CNTN5: variants seen among roughly 807,000 people sequenced by gnomAD.
CNTN5 encodes the protein contactin 5.
A neutral mutation model predicts 129.1 loss-of-function variants in CNTN5; 77 were observed. The observed-to-expected ratio is 0.60, with a 90% CI of 0.50 to 0.72. The LOEUF is 0.72. CNTN5 is among the 30% of genes least tolerant of loss of function. CNTN5 has a pLI of 0.00. For synonymous variants in CNTN5, 509 were observed against 465.6 expected (o/e 1.09, Z -1.20); for missense variants, 1,478 against 1,328.8 (o/e 1.11, Z -1.75).
chr11:100,326,613 C>A (rs1951791947), intron 21 of CNTN5, among the ~76,000 whole-genome samples: 3 of 152,152 alleles, frequency 2.0e-5, no homozygotes, highest in African/African-American at 7.2e-5. Context: ...TCCAATCTGC[C>A]CTTTATATTT....
At chr11:100,224,890 T>C in intron 16 of CNTN5, 78 bp downstream of exon 16, 1 of 1,452,352 alleles carries the variant, frequency 6.9e-7, no homozygotes, top group Non-Finnish European at 9.6e-7. Flanking sequence ...GCATGGACTT[T>C]GAGCACATCA....
intron 3 of CNTN5, among the ~76,000 whole-genome samples, chr11:99,753,350 C>G (rs375217268): frequency 6.6e-6 from 1 of 151,546 alleles, no homozygotes; most frequent in African/African-American, 2.4e-5. Flanking sequence ...TCTCGATCTC[C>G]TGACCTCGTG....
chr11:100,258,903 C>A (rs1216435106), intron 17 of CNTN5, among the ~76,000 whole-genome samples: 2 of 152,240 alleles, frequency 1.3e-5, no homozygotes, highest in East Asian at 1.9e-4. Flanking sequence ...GGCAAAATAA[C>A]CAGCTAGCAT....
At chr11:99,173,546 G>T (rs562513235) in intron 1 of CNTN5, among the ~76,000 whole-genome samples, 49 of 152,262 alleles carry the variant, frequency 3.2e-4, no homozygotes, top group Non-Finnish European at 6.5e-4. Flanking sequence ...TGGTTATAAG[G>T]CAGGTTTCTG....
chr11:99,079,274 C>A lies in CNTN5; in HGVS notation c.-210+58004C>A, dbSNP rs759460182. ...TCATCCTGACAACAGAAAATTAAATCTCTAATAAAGAGGAAATACTGTATT... is the reference window on the plus strand; with the variant it reads ...TCATCCTGACAACAGAAAATTAAATATCTAATAAAGAGGAAATACTGTATT... On this transcript the variant is annotated intron_variant, in intron 1 of 24. Transcript: ENST00000524871. Among the ~76,000 whole-genome samples the A allele has an allele frequency of 3.3e-5, 5 of 152,170 alleles. No homozygotes were observed. The East Asian group carries it at 9.7e-4, about 29-fold the overall frequency.
chr11:99,869,544 C>A (rs1463018716), intron 6 of CNTN5, among the ~76,000 whole-genome samples: 1 of 152,112 alleles, frequency 6.6e-6, no homozygotes, highest in Non-Finnish European at 1.5e-5. Context: ...CCTAAATGTC[C>A]TTTCCATCAC....
intron 1 of CNTN5, among the ~76,000 whole-genome samples, chr11:99,195,016 T>G (rs1464848021): frequency 6.6e-6 from 1 of 152,114 alleles, no homozygotes; most frequent in Non-Finnish European, 1.5e-5. Context: ...ATTCAAAGAT[T>G]GAATTTACTG....
At chr11:99,023,067 G>C (rs1030665652) in intron 1 of CNTN5, among the ~76,000 whole-genome samples, 4 of 152,196 alleles carry the variant, frequency 2.6e-5, no homozygotes, top group African/African-American at 9.6e-5. Flanking sequence ...CATCCAAAAA[G>C]CTACAGTTGT....
chr11:99,816,271 C>T (rs1002177480), intron 3 of CNTN5, among the ~76,000 whole-genome samples: 1 of 152,118 alleles, frequency 6.6e-6, no homozygotes, highest in Non-Finnish European at 1.5e-5. Flanking sequence ...ATTTTCAACA[C>T]CCTATTTCTT....
chr11:99,828,698 T>C (rs1379304926), intron 4 of CNTN5, among the ~76,000 whole-genome samples: 1 of 152,184 alleles, frequency 6.6e-6, no homozygotes, highest in Admixed American at 6.6e-5. Context: ...TTAAGTAAGA[T>C]ACATGGAAAA....
chr11:100,080,999 C>G (rs1285517049), intron 13 of CNTN5, among the ~76,000 whole-genome samples: 1 of 152,054 alleles, frequency 6.6e-6, no homozygotes, highest in African/African-American at 2.4e-5. Flanking sequence ...TTGCTGTTTC[C>G]TATCCATGAA....
intron 18 of CNTN5, among the ~76,000 whole-genome samples, chr11:100,290,194 C>T (rs889282891): frequency 2.4e-4 from 36 of 151,536 alleles, no homozygotes; most frequent in Admixed American, 2.2e-3. Context: ...AGGTAATTTA[C>T]AGATTCAATG....
At chr11:99,129,086 C>T (rs957297799) in intron 1 of CNTN5, among the ~76,000 whole-genome samples, 3 of 152,124 alleles carry the variant, frequency 2.0e-5, no homozygotes, top group Admixed American at 6.6e-5. Context: ...GGCCACAGAA[C>T]GGGGATGAAG....
chr11:99,865,127 G>A (rs1032495597), intron 6 of CNTN5, among the ~76,000 whole-genome samples: 4 of 152,058 alleles, frequency 2.6e-5, no homozygotes, highest in Non-Finnish European at 4.4e-5. Context: ...ATTCATTCAA[G>A]GTTTGCATCA....
chr11:99,657,024 AAAGAG>A (rs1952396134), intron 3 of CNTN5, among the ~76,000 whole-genome samples: 1 of 151,838 alleles, frequency 6.6e-6, no homozygotes, highest in African/African-American at 2.4e-5. Flanking sequence ...TCAAAGTTCA[AAAGAG>A]AAGAGTTCCC....
rs140651748 is a variant in CNTN5, at chr11:100,171,052, T to C, written c.1581-20074T>C. On this transcript the variant is annotated intron_variant, in intron 13 of 24. Coordinates refer to ENST00000524871, the MANE Select transcript of CNTN5 (RefSeq NM_014361.4). ...GATGTTATTGTACTGACTGCCACTG[T>C]ATTTTACAATGCCACACATAAAAGT... is the stretch of plus-strand genomic sequence containing the variant. 1.2e-3 allele frequency among the ~76,000 whole-genome samples: 178 copies of C among 152,104 alleles called. 1 individual carries two copies. The highest frequency in any genetic ancestry group is 4.1e-3 in the African/African-American group (172 of 41,520).
chr11:99,767,425 A>G (rs978552661), intron 3 of CNTN5, among the ~76,000 whole-genome samples: 6 of 152,098 alleles, frequency 3.9e-5, no homozygotes, highest in Admixed American at 1.3e-4. Context: ...TCAACACAGC[A>G]TATATTTTAA....
intron 3 of CNTN5, among the ~76,000 whole-genome samples, chr11:99,776,722 A>G (rs1945137393): frequency 1.3e-5 from 2 of 151,640 alleles, no homozygotes; most frequent in African/African-American, 4.8e-5. Context: ...AAGCTAATCA[A>G]CTCATGTGGA....
intron 1 of CNTN5, among the ~76,000 whole-genome samples, chr11:99,272,649 T>C (rs554648003): frequency 9.2e-5 from 14 of 151,920 alleles, no homozygotes; most frequent in Non-Finnish European, 1.9e-4. Context: ...ATGGGAACTA[T>C]GGTGAAATGC....
Sources: allele counts gnomAD v4.1 joint callset (sites outside exome capture counted in the v4.1 genomes callset), GRCh38; gene constraint gnomAD v4.1.1; transcripts MANE v1.5; gene names NCBI Gene and HGNC (gene_info 2026-07-23, HGNC 2026-07-21).